LINGO2: variants seen among roughly 807,000 people sequenced by gnomAD.
LINGO2 encodes leucine rich repeat and Ig domain containing 2.
In LINGO2, 14 loss-of-function variants were observed where a neutral mutation model predicts 30.6. The observed-to-expected ratio is 0.46, with a 90% confidence interval of 0.30 to 0.72. The LOEUF is 0.72. Ranked by LOEUF, LINGO2 falls within the 30% of genes least tolerant of loss-of-function variation. The probability of loss-of-function intolerance (pLI) is 0.07; values close to 1 mark genes in which losing one functional copy is unlikely to be tolerated. For synonymous variants in LINGO2, 317 were observed against 288.5 expected, an observed-to-expected ratio of 1.10 and a Z score of -1.00; for missense variants, 729 against 751.7, an observed-to-expected ratio of 0.97 and a Z score of 0.35.
intron 4 of LINGO2, among the ~76,000 whole-genome samples, chr9:28,018,872 C>T (rs1822971934): frequency 6.6e-6 from 1 of 152,092 alleles, no homozygotes; most frequent in Non-Finnish European, 1.5e-5. Context: ...TTACTATATA[C>T]AGATACATGC....
intron 4 of LINGO2, among the ~76,000 whole-genome samples, chr9:28,261,055 C>T (rs1376940008): frequency 1.3e-5 from 2 of 151,830 alleles, no homozygotes; most frequent in African/African-American, 4.8e-5. Context: ...CTGACTATTC[C>T]TTAATTGCCA....
chr9:28,770,525 G>T, the LINGO2 span, among the ~76,000 whole-genome samples: 1 of 152,160 alleles, frequency 6.6e-6, no homozygotes, highest in Non-Finnish European at 1.5e-5. Flanking sequence ...GGTTTGGAAA[G>T]ATCCAATAGT....
Position 28,646,467 on chromosome 9 carries a change from G to A in LINGO2, c.-365+23733C>T, listed in dbSNP as rs761064397. On this transcript the variant is annotated intron_variant, in intron 1 of 5. Coordinates refer to ENST00000379992, the Ensembl canonical transcript of LINGO2. ...CAATTAACACCTTTAAGAACTTAAC[G>A]GGCTAAACTAATTGAGAAAGTGAAA... 9.9e-5 allele frequency among the ~76,000 whole-genome samples: 15 copies of A among 151,956 alleles called. 1 individual carries two copies. The highest frequency in any genetic ancestry group is 1.4e-4 in the African/African-American group (6 of 41,406).
At chr9:28,093,839 G>A (rs1442701781) in intron 4 of LINGO2, among the ~76,000 whole-genome samples, 1 of 151,042 alleles carries the variant, frequency 6.6e-6, no homozygotes, top group East Asian at 2.0e-4. Context: ...TTTCCCAGTA[G>A]CTAAACATTT....
the LINGO2 span, among the ~76,000 whole-genome samples, chr9:29,114,383 A>ATTT: frequency 7.5e-5 from 2 of 26,704 alleles, no homozygotes; most frequent in Non-Finnish European, 9.6e-5. Context: ...TTTTTCTTTT[A>ATTT]TTATTATTAT....
At chr9:29,158,103 G>T in the LINGO2 span, among the ~76,000 whole-genome samples, 1 of 151,818 alleles carries the variant, frequency 6.6e-6, no homozygotes, top group African/African-American at 2.4e-5. Flanking sequence ...AGAACTTTGG[G>T]AGGCCAAGGT....
At chr9:28,251,114 C>T (rs928438556) in intron 4 of LINGO2, among the ~76,000 whole-genome samples, 1 of 152,144 alleles carries the variant, frequency 6.6e-6, no homozygotes, top group Non-Finnish European at 1.5e-5. Context: ...CCTCCCCCTG[C>T]CCTTTGCTTA....
chr9:29,069,758 A>G, the LINGO2 span, among the ~76,000 whole-genome samples: 1 of 152,106 alleles, frequency 6.6e-6, no homozygotes, highest in Non-Finnish European at 1.5e-5. Context: ...AGGATTTTAC[A>G]TAAGAGATAC....
chr9:29,061,350 C>A, the LINGO2 span, among the ~76,000 whole-genome samples: 2 of 151,916 alleles, frequency 1.3e-5, no homozygotes, highest in African/African-American at 2.4e-5. Context: ...CTAGGACTCA[C>A]ATGAAATCTC....
chr9:28,352,490 G>T (rs368631975), intron 3 of LINGO2, among the ~76,000 whole-genome samples: 3 of 100,510 alleles, frequency 3.0e-5, no homozygotes, highest in South Asian at 4.2e-4. Context: ...CACTGCTCAA[G>T]GAAATAAAAG....
chr9:28,111,740 T>C (rs1450709514), intron 4 of LINGO2, among the ~76,000 whole-genome samples: 1 of 152,102 alleles, frequency 6.6e-6, no homozygotes, highest in Non-Finnish European at 1.5e-5. Flanking sequence ...CAATGAAGTA[T>C]AGTTATCTTC....
rs190166928 is a variant in LINGO2 at position 28,094,750 on chromosome 9, G to A, written c.-86-82345C>T. On this transcript the variant is annotated intron_variant, in intron 4 of 5. Transcript: ENST00000379992. ...GTCTTTCATTAACAACATTTGAGAT[G>A]AAATCATACTGAAAAGTAGGACTCC... Among the ~76,000 whole-genome samples, 161 of 152,098 alleles carry A rather than the reference G, an allele frequency of 1.1e-3. 1 individual carries two copies. The highest frequency in any genetic ancestry group is 3.0e-3 in the African/African-American group (126 of 41,530).
chr9:28,951,229 C>A, the LINGO2 span, among the ~76,000 whole-genome samples: 1 of 152,068 alleles, frequency 6.6e-6, no homozygotes, highest in Admixed American at 6.6e-5. Flanking sequence ...ACACCTTCTG[C>A]AAAAATTAAC....
the LINGO2 span, among the ~76,000 whole-genome samples, chr9:29,114,262 C>T: frequency 6.6e-6 from 1 of 151,532 alleles, no homozygotes; most frequent in African/African-American, 2.4e-5. Flanking sequence ...TTGTCCAAAA[C>T]AATATTGAGT....
intron 2 of LINGO2, among the ~76,000 whole-genome samples, chr9:28,429,787 C>T (rs1823572232): frequency 6.6e-6 from 1 of 152,130 alleles, no homozygotes; most frequent in Non-Finnish European, 1.5e-5. Flanking sequence ...GATGTAGCCC[C>T]TGGTGTTCCA....
chr9:28,238,151 AAGAGAG>A (rs34878831), intron 4 of LINGO2, among the ~76,000 whole-genome samples: 2 of 150,046 alleles, frequency 1.3e-5, no homozygotes, highest in African/African-American at 4.9e-5. Flanking sequence ...ATTAGAACTA[AAGAGAG>A]AGAGAGAGAG....
intron 4 of LINGO2, among the ~76,000 whole-genome samples, chr9:28,248,182 A>G (rs1485542536): frequency 1.3e-5 from 2 of 152,232 alleles, no homozygotes; most frequent in African/African-American, 4.8e-5. Context: ...ACTGTTCACA[A>G]TAGTTAAGAT....
At chr9:28,957,562 G>A in the LINGO2 span, among the ~76,000 whole-genome samples, 2 of 152,074 alleles carry the variant, frequency 1.3e-5, no homozygotes. Flanking sequence ...ACAGTTCCAG[G>A]TGGCAGTAAT....
At chr9:28,037,887 G>T (rs1450695625) in intron 4 of LINGO2, among the ~76,000 whole-genome samples, 1 of 152,216 alleles carries the variant, frequency 6.6e-6, no homozygotes, top group Non-Finnish European at 1.5e-5. Context: ...TCCTTTACCT[G>T]AAGTAACTCA....
Sources: allele counts gnomAD v4.1 joint callset (sites outside exome capture counted in the v4.1 genomes callset), GRCh38; gene constraint gnomAD v4.1.1; transcripts MANE v1.5; gene names NCBI Gene and HGNC (gene_info 2026-07-23, HGNC 2026-07-21).